The following PPP2R3A variants were observed in gnomAD, a reference collection of about 807,000 sequenced individuals.
PPP2R3A encodes protein phosphatase 2 regulatory subunit B''alpha.
Under a neutral mutation model 106.9 loss-of-function variants are expected in PPP2R3A, and 80 were observed. That is an observed-to-expected ratio of 0.75 (90% CI 0.62 to 0.90). The LOEUF is 0.90. Among genes scored for constraint, PPP2R3A ranks in the 40% least tolerant of loss-of-function variants. PPP2R3A has a pLI of 0.00. For synonymous variants in PPP2R3A, 483 were observed against 468.3 expected (o/e 1.03, Z -0.41); for missense variants, 1,386 against 1,350.4 (o/e 1.03, Z -0.41).
intron 1 of PPP2R3A, among the ~76,000 whole-genome samples, chr3:135,997,714 C>T (rs1559858641): frequency 6.6e-6 from 1 of 152,190 alleles, no homozygotes; most frequent in Admixed American, 6.5e-5. Flanking sequence ...ACAAGTCTCC[C>T]AGTACTTAAG....
intron 1 of PPP2R3A, among the ~76,000 whole-genome samples, chr3:135,985,207 A>G (rs2107764723): frequency 6.6e-6 from 1 of 152,272 alleles, no homozygotes; most frequent in South Asian, 2.1e-4. Context: ...CTTTAAAATG[A>G]TGATGTAATA....
intron 2 of PPP2R3A, among the ~76,000 whole-genome samples, chr3:136,014,112 T>C (rs2107805479): frequency 6.6e-6 from 1 of 152,260 alleles, no homozygotes; most frequent in African/African-American, 2.4e-5. Context: ...TTCCCCACTT[T>C]ATGTTTTTAT....
intron 13 of PPP2R3A, among the ~76,000 whole-genome samples, chr3:136,117,245 G>A (rs938776969): frequency 6.6e-6 from 1 of 152,186 alleles, no homozygotes; most frequent in African/African-American, 2.4e-5. Context: ...GCAGTGTATA[G>A]AGGGAAATTC....
intron 11 of PPP2R3A, among the ~76,000 whole-genome samples, chr3:136,102,878 T>A (rs1937414367): frequency 6.6e-6 from 1 of 152,048 alleles, no homozygotes. Context: ...AGATTTTTCC[T>A]TAGACACAGA....
chr3:136,093,220 G>A (rs954671836), intron 10 of PPP2R3A, among the ~76,000 whole-genome samples: 1 of 152,134 alleles, frequency 6.6e-6, no homozygotes, highest in African/African-American at 2.4e-5. Context: ...ACCAGCCTGG[G>A]CAACATGGTG....
At chr3:135,984,335 C>T (rs753771606) in intron 1 of PPP2R3A, among the ~76,000 whole-genome samples, 14 of 152,190 alleles carry the variant, frequency 9.2e-5, no homozygotes, top group South Asian at 6.2e-4. Context: ...ATGTAACATG[C>T]GTAAATTTTT....
At chr3:135,967,422 G>T (rs1347270896) in intron 1 of PPP2R3A, among the ~76,000 whole-genome samples, 6 of 152,152 alleles carry the variant, frequency 3.9e-5, no homozygotes, top group Non-Finnish European at 5.9e-5. Context: ...TAACATTCTG[G>T]AGAGTGAAGG....
chr3:136,051,300 TA>T (rs1935677059), intron 5 of PPP2R3A, among the ~76,000 whole-genome samples: 1 of 152,172 alleles, frequency 6.6e-6, no homozygotes, highest in Non-Finnish European at 1.5e-5. Context: ...GAGGTTTTTT[TA>T]AGTTGTATTC....
intron 2 of PPP2R3A, among the ~76,000 whole-genome samples, chr3:136,005,153 A>G (rs1933797114): frequency 6.6e-6 from 1 of 152,212 alleles, no homozygotes; most frequent in South Asian, 2.1e-4. Flanking sequence ...AAACGCTATC[A>G]AAACCTTGTT....
chr3:136,049,465 A>T, intron 5 of PPP2R3A, 104 bp downstream of exon 5: 2 of 750,808 alleles, frequency 2.7e-6, no homozygotes, highest in Non-Finnish European at 4.3e-6. Flanking sequence ...ACAGATCTAG[A>T]TATCAGATTC....
rs1265883526 is a variant in PPP2R3A at position 136,147,768 on chromosome 3, T to TTTA, written c.*2603_*2604insTAT. On this transcript the variant is annotated 3_prime_UTR_variant, in exon 14 of 14. Coordinates refer to ENST00000264977, the MANE Select transcript of PPP2R3A (RefSeq NM_002718.5). ...TGTCACTGTGTACCATTCAAAGTGT[T>TTTA]TATAAAACTCTAGATTCATCAAATG... 1 of 152,220 alleles carries TTTA rather than the reference T, an allele frequency of 6.6e-6. No homozygotes were observed. The highest frequency in any genetic ancestry group is 2.4e-5 in the African/African-American group (1 of 41,456). 9.4% of individuals were successfully genotyped at this position (152,220 alleles called of 1,614,324 possible). A position where few individuals can be genotyped will look rare whatever the true frequency, so the allele number is the denominator to read the frequency against.
chr3:135,978,311 CTGT>C lies in PPP2R3A; in HGVS notation c.-441+12465_-441+12467del, dbSNP rs1937476873. On this transcript the variant is annotated intron_variant, in intron 1 of 13. Coordinates refer to ENST00000264977, the MANE Select transcript of PPP2R3A (RefSeq NM_002718.5). ...ATACAAATAGTAAGGTAAAGGTACT[CTGT>C]TGAATCTCATGAAAGATAGCATAGG... Among the ~76,000 whole-genome samples, 3 of 151,358 alleles carry C rather than the reference CTGT, an allele frequency of 2.0e-5. No individual in the cohort carries two copies. In the South Asian group the frequency reaches 6.2e-4, roughly 31 times the overall value.
intron 1 of PPP2R3A, among the ~76,000 whole-genome samples, chr3:135,976,025 C>G (rs1205597392): frequency 2.0e-5 from 3 of 152,108 alleles, no homozygotes; most frequent in South Asian, 4.1e-4. Context: ...AATATCTTCT[C>G]TAAAGTTTTT....
Position 136,145,056 on chromosome 3 carries a change from G to C in PPP2R3A, c.3343G>C (p.Glu1115Gln). 6.2e-7 allele frequency: 1 copy of C among 1,611,994 alleles called. No individual in the cohort carries two copies. Among genetic ancestry groups the C allele is most frequent in the Non-Finnish European group, 8.5e-7 (1 of 1,179,174 alleles). ...AQFQEGFEDY[E>Q]TDEPASPSEF... ...TTGTTATTTCAGCTTTGAAGATTAT[G>C]AAACAGATGAACCTGCCTCTCCCTC... The change falls in exon 14 of 14, where the codon GAA becomes CAA. Residue 1115 changes from glutamate to glutamine, a missense_variant. By Grantham distance (29) the Glu-to-Gln change is conservative. Transcript: ENST00000264977.
intron 1 of PPP2R3A, among the ~76,000 whole-genome samples, chr3:135,987,691 A>AAAAAGGAGAC (rs1932976390): frequency 6.6e-6 from 1 of 151,936 alleles, no homozygotes; most frequent in African/African-American, 2.4e-5. Flanking sequence ...CTCTCTGGCC[A>AAAAAGGAGAC]TTTTTTGTCA....
intron 5 of PPP2R3A, among the ~76,000 whole-genome samples, chr3:136,056,415 G>C (rs1935862269): frequency 1.3e-5 from 2 of 151,986 alleles, no homozygotes. Flanking sequence ...TGAGGAATCT[G>C]GGCGCAGGGT....
intron 13 of PPP2R3A, among the ~76,000 whole-genome samples, chr3:136,110,338 AAGAG>A (rs918864287): frequency 1.3e-5 from 2 of 152,328 alleles, no homozygotes; most frequent in South Asian, 2.1e-4. Context: ...TCAAAGGAAT[AAGAG>A]AGAATATCAC....
At chr3:136,125,715 C>T (rs1310167317) in intron 13 of PPP2R3A, among the ~76,000 whole-genome samples, 2 of 151,986 alleles carry the variant, frequency 1.3e-5, no homozygotes, top group African/African-American at 4.8e-5. Flanking sequence ...GCAATGTCCC[C>T]TATGAACATC....
chr3:135,978,335 A>G (rs548690798), intron 1 of PPP2R3A, among the ~76,000 whole-genome samples: 89 of 152,008 alleles, frequency 5.9e-4, no homozygotes, highest in Non-Finnish European at 5.3e-4. Context: ...GAAAGATAGC[A>G]TAGGCCTAAT....
Sources: gnomAD v4.1 joint callset for allele counts (sites outside exome capture counted in the v4.1 genomes callset) on GRCh38, gnomAD v4.1.1 for gene constraint, MANE v1.5 for transcripts, NCBI Gene and HGNC (gene_info 2026-07-23, HGNC 2026-07-21) for gene names.